DNAH7: variants seen among roughly 807,000 people sequenced by gnomAD.
DNAH7 encodes dynein axonemal heavy chain 7.
Under a neutral mutation model 444.6 loss-of-function variants are expected in DNAH7, and 397 were observed. The observed-to-expected ratio is 0.89, with a 90% CI of 0.82 to 0.97. The LOEUF (loss-of-function observed/expected upper bound fraction) is 0.97, where lower values mean the gene tolerates loss of function less well. Among genes scored for constraint, DNAH7 ranks in the 50% least tolerant of loss-of-function variants. The pLI, the probability that DNAH7 is intolerant of heterozygous loss-of-function variation, is 0.00. For missense variants in DNAH7, 4,902 were observed against 4,800.8 expected (o/e 1.02, Z -0.62); for synonymous variants, 1,636 against 1,624.4 (o/e 1.01, Z -0.17).
At chr2:195,835,821 C>T (rs748859211) in intron 47 of DNAH7, among the ~76,000 whole-genome samples, 9 of 152,090 alleles carry the variant, frequency 5.9e-5, no homozygotes, top group African/African-American at 9.6e-5. Context: ...TCCAGCCTGG[C>T]GGCAGAGCAA....
chr2:195,853,246 T>A (rs1699492012), intron 46 of DNAH7, 97 bp downstream of exon 46: 3 of 1,163,962 alleles, frequency 2.6e-6, no homozygotes, highest in African/African-American at 3.1e-5. Context: ...TCCTTGTACT[T>A]AACAAAAAAC....
chr2:195,852,963 C>CT (rs1397147321), intron 46 of DNAH7, among the ~76,000 whole-genome samples: 12 of 147,516 alleles, frequency 8.1e-5, no homozygotes, highest in Admixed American at 2.0e-4. Flanking sequence ...GTTCTGATAC[C>CT]TTTTTACAGT....
intron 61 of DNAH7, among the ~76,000 whole-genome samples, chr2:195,764,438 G>T (rs1160889052): frequency 6.6e-6 from 1 of 152,076 alleles, no homozygotes; most frequent in Non-Finnish European, 1.5e-5. Context: ...TAGAAAGGAA[G>T]AAATTAACTT....
intron 5 of DNAH7, among the ~76,000 whole-genome samples, chr2:196,035,872 G>A (rs1398536992): frequency 6.6e-6 from 1 of 151,974 alleles, no homozygotes; most frequent in Admixed American, 6.5e-5. Flanking sequence ...GTGCTGCATG[G>A]AGCACCCACA....
At chr2:196,020,128 A>C (rs1287226288) in intron 8 of DNAH7, among the ~76,000 whole-genome samples, 2 of 152,042 alleles carry the variant, frequency 1.3e-5, no homozygotes, top group Non-Finnish European at 2.9e-5. Context: ...TCTTTTCTCT[A>C]GCTTATTGTA....
chr2:195,766,167 ATTTTTTTT>A (rs755912873), intron 61 of DNAH7, among the ~76,000 whole-genome samples: 9 of 57,328 alleles, frequency 1.6e-4, no homozygotes, highest in Non-Finnish European at 3.0e-4. Context: ...GTGGGAGCTA[ATTTTTTTT>A]TTTTTTTTTT....
At chr2:196,023,324 C>G (rs982790627) in intron 8 of DNAH7, among the ~76,000 whole-genome samples, 16 of 152,200 alleles carry the variant, frequency 1.1e-4, no homozygotes, top group African/African-American at 3.9e-4. Flanking sequence ...CAACATACTT[C>G]CTATAAAACC....
chr2:195,988,927 G>A (rs530226974), intron 12 of DNAH7, among the ~76,000 whole-genome samples: 43 of 152,212 alleles, frequency 2.8e-4, no homozygotes, highest in African/African-American at 1.0e-3. Context: ...ATATAAGTGA[G>A]ATCATTCAGT....
intron 16 of DNAH7, among the ~76,000 whole-genome samples, chr2:195,971,069 A>G (rs568510830): frequency 6.6e-6 from 1 of 152,324 alleles, no homozygotes; most frequent in Admixed American, 6.5e-5. Context: ...AATCTGATAT[A>G]CCCTTAATGT....
intron 10 of DNAH7, among the ~76,000 whole-genome samples, chr2:196,005,914 A>AAC (rs3052597): frequency 0.027 from 4,048 of 150,072 alleles, 146 homozygotes; most frequent in African/African-American, 0.086. Context: ...ACAAAGACAT[A>AAC]ACACACACAC....
chr2:196,066,294 T>C (rs929685520), intron 1 of DNAH7, among the ~76,000 whole-genome samples: 2 of 152,216 alleles, frequency 1.3e-5, no homozygotes, highest in African/African-American at 4.8e-5. Context: ...CACGTTTGAG[T>C]TCTGGTTGTT....
At position 195,807,411 on chromosome 2, in the gene DNAH7, G is replaced by C. The variant is rs1286816677; in HGVS notation, c.10084-579C>G. Among the ~76,000 whole-genome samples, 8 of 152,114 alleles carry C rather than the reference G, an allele frequency of 5.3e-5. No homozygotes were observed. In the East Asian group the frequency reaches 1.5e-3, roughly 29 times the overall value. On this transcript the variant is annotated intron_variant, in intron 53 of 64. Transcript: ENST00000312428. Reference sequence around the variant, plus strand: ...GACCTCAAGTGATCCACCTGTCTTGGCCTCCCAAAGTGCTGGGATTACAGG... The same window carrying C: ...GACCTCAAGTGATCCACCTGTCTTGCCCTCCCAAAGTGCTGGGATTACAGG...
intron 63 of DNAH7, among the ~76,000 whole-genome samples, chr2:195,746,760 G>A (rs1426761244): frequency 1.5e-4 from 23 of 152,058 alleles, no homozygotes; most frequent in African/African-American, 2.7e-4. Flanking sequence ...GGTACATAAC[G>A]AAATGAAGGC....
Position 195,987,942 on chromosome 2 carries a change from A to G in DNAH7, c.1626+15T>C. ...CAGATAGAGATAACAGTTGCACAAA[A>G]CTGGAGTCATTTACCTTTATGGATG... On this transcript the variant is annotated intron_variant, in intron 13 of 64. Coordinates refer to ENST00000312428, the MANE Select transcript of DNAH7 (RefSeq NM_018897.3). 1 of 1,580,430 alleles carries G rather than the reference A, an allele frequency of 6.3e-7. No homozygotes were observed. Among genetic ancestry groups the G allele is most frequent in the African/African-American group, 1.4e-5 (1 of 73,782 alleles).
At chr2:195,873,789 G>T in intron 38 of DNAH7, 95 bp from the exon 39 acceptor site, 2 of 932,792 alleles carry the variant, frequency 2.1e-6, no homozygotes, top group Non-Finnish European at 2.9e-6. Context: ...TTGAAAGATG[G>T]ACAAATTCAC....
At chr2:195,778,693 C>CAT (rs1223850500) in intron 58 of DNAH7, among the ~76,000 whole-genome samples, 58 of 87,648 alleles carry the variant, frequency 6.6e-4, no homozygotes, top group Admixed American at 1.3e-3. Flanking sequence ...TATATATACA[C>CAT]ATATATATAT....
Position 196,047,238 on chromosome 2 carries a change from C to T in DNAH7, c.398+114G>A, listed in dbSNP as rs139201676. On this transcript the variant is annotated intron_variant, in intron 5 of 64. Transcript: ENST00000312428. Reference sequence around the variant, plus strand: ...TCTTTATTTATACTCTGACCTCATTCCAACAAGCCTTTGAGGCACCCTTAG... The same window carrying T: ...TCTTTATTTATACTCTGACCTCATTTCAACAAGCCTTTGAGGCACCCTTAG... 1.1e-5 allele frequency: 10 copies of T among 882,306 alleles called. No homozygotes were observed. In the East Asian group the frequency reaches 2.2e-4, roughly 20 times the overall value. The allele number at this position is 882,306 out of a possible 1,614,324, so 54.7% of individuals were successfully genotyped here.
In DNAH7 at chr2:195,886,210, A is replaced by C; in HGVS notation, c.5469T>G (p.Phe1823Leu). 1 of 1,613,988 alleles carries C rather than the reference A, an allele frequency of 6.2e-7. No homozygotes were observed. The highest frequency in any genetic ancestry group is 1.1e-5 in the South Asian group (1 of 91,042). The change falls in exon 34 of 65, where the codon TTT (phenylalanine) becomes TTG (leucine). Residue 1823 changes from phenylalanine to leucine, a missense_variant. Physicochemically the swap from Phe to Leu is conservative, Grantham distance 22 (BLOSUM62 0). Transcript: ENST00000312428. ...VRSLMNLIDC[F>L]MDDFADEVKL... Reference sequence around the variant, plus strand: ...TGACTTCATCAGCAAAATCATCCATAAAACAGTCTATTAGATTCATTAAGG... The same window carrying C: ...TGACTTCATCAGCAAAATCATCCATCAAACAGTCTATTAGATTCATTAAGG...
At position 195,960,594 on chromosome 2, in the gene DNAH7, G is replaced by T. The variant is rs1436029373; in HGVS notation, c.2557C>A (p.His853Asn). 1 of 1,614,094 alleles carries T rather than the reference G, an allele frequency of 6.2e-7. No individual in the cohort carries two copies. The highest frequency in any genetic ancestry group is 8.5e-7 in the Non-Finnish European group (1 of 1,180,036). Residue 853 changes from histidine to asparagine, a missense_variant, in exon 18 of 65, where the codon CAC (histidine) becomes AAC (asparagine). By Grantham distance (68) the His-to-Asn change is moderately conservative (BLOSUM62 1). Transcript: ENST00000312428. ...VICNPGLRPR[H>N]WEAMSAIVGY... is the part of the protein sequence containing the mutation. ...ACAATGGCAGACATGGCCTCCCAGT[G>T]CCTGGGGCGCAAACCAGGATTACAG...
Sources: gnomAD v4.1 joint callset for allele counts (sites outside exome capture counted in the v4.1 genomes callset) on GRCh38, gnomAD v4.1.1 for gene constraint, MANE v1.5 for transcripts, NCBI Gene and HGNC (gene_info 2026-07-23, HGNC 2026-07-21) for gene names.